Variants in FAM53B observed in about 807,000 individuals in gnomAD.
FAM53B encodes protein FAM53B.
FAM53B carries 12 observed loss-of-function variants against 32.7 expected under a neutral mutation model. The ratio of observed to expected loss-of-function variants is 0.37; its 90% CI spans 0.24 to 0.59. The LOEUF is 0.59. FAM53B is among the 20% of genes least tolerant of loss of function. The pLI is 0.72. For synonymous variants in FAM53B, 234 were observed against 228.7 expected (o/e 1.02, Z -0.21); for missense variants, 477 against 577.7 (o/e 0.83, Z 1.79).
intron 1 of FAM53B, among the ~76,000 whole-genome samples, chr10:124,709,185 AT>A (rs1430829998): frequency 2.0e-5 from 3 of 152,248 alleles, no homozygotes; most frequent in African/African-American, 4.8e-5. Context: ...AACAAGCTAA[AT>A]TCCATTAACA....
At chr10:124,640,313 G>T (rs1264606084) in intron 4 of FAM53B, among the ~76,000 whole-genome samples, 1 of 152,244 alleles carries the variant, frequency 6.6e-6, no homozygotes, top group Non-Finnish European at 1.5e-5. Context: ...GCTCTGCGCG[G>T]CAGGTTGGGG....
intron 4 of FAM53B, among the ~76,000 whole-genome samples, chr10:124,660,383 G>A (rs1313619751): frequency 6.6e-6 from 1 of 152,210 alleles, no homozygotes; most frequent in Non-Finnish European, 1.5e-5. Context: ...CCAGAGGAAT[G>A]CCCCAGAGTA....
chr10:124,659,333 A>G (rs1481960213), intron 4 of FAM53B, among the ~76,000 whole-genome samples: 2 of 152,252 alleles, frequency 1.3e-5, no homozygotes, highest in Non-Finnish European at 2.9e-5. Flanking sequence ...GAGAGATACA[A>G]CTGATCAGCA....
chr10:124,681,787 A>G lies in FAM53B; in HGVS notation c.726T>C (p.Cys242=). The G allele has an allele frequency of 6.2e-7, 1 of 1,609,128 alleles. No homozygotes were observed. The highest frequency in any genetic ancestry group is 8.5e-7 in the Non-Finnish European group (1 of 1,177,770). The change falls in exon 4 of 5, where the codon TGT becomes TGC. Residue 242 remains cysteine, a synonymous_variant. Transcript: ENST00000337318. ...CAGGTGTGCTGTTGGCTGAGGGAGG[A>G]CAGTATTCCACAAAGGAAAACTGCT... ...SHEQFSFVEY[C]PPSANSTPAS...
intron 4 of FAM53B, among the ~76,000 whole-genome samples, chr10:124,678,804 C>A (rs1949751800): frequency 6.6e-6 from 1 of 152,228 alleles, no homozygotes; most frequent in African/African-American, 2.4e-5. Context: ...CCCTTTCCTG[C>A]TGGCGGATTG....
At chr10:124,737,316 T>C (rs1950178682) in intron 1 of FAM53B, among the ~76,000 whole-genome samples, 1 of 152,108 alleles carries the variant, frequency 6.6e-6, no homozygotes, top group Non-Finnish European at 1.5e-5. Flanking sequence ...GACACACTTT[T>C]GGCAAAGAGG....
intron 3 of FAM53B, among the ~76,000 whole-genome samples, chr10:124,683,952 C>T (rs1044551768): frequency 4.6e-5 from 7 of 152,354 alleles, no homozygotes; most frequent in African/African-American, 1.4e-4. Context: ...ATGACCTGTG[C>T]AGACCAAAGG....
intron 2 of FAM53B, among the ~76,000 whole-genome samples, chr10:124,696,789 T>C (rs948112951): frequency 2.6e-5 from 4 of 152,296 alleles, no homozygotes; most frequent in African/African-American, 9.6e-5. Flanking sequence ...TTCTCTGAAC[T>C]GAAACAGAAA....
Position 124,623,279 on chromosome 10 carries a change from TCCA to T in FAM53B, c.1229_1231del (p.Leu410_Asp411delinsHis), listed in dbSNP as rs895714495. ...TATCTGCTCAATGTCCAACTCGCCGTCCAGGGAGCAGAGGCTGTTCCCAGGGGC... is the reference window on the plus strand; with the variant it reads ...TATCTGCTCAATGTCCAACTCGCCGTGGGAGCAGAGGCTGTTCCCAGGGGC... On this transcript the variant is annotated inframe_deletion, in exon 5 of 5. Coordinates refer to ENST00000337318, the MANE Select transcript of FAM53B (RefSeq NM_014661.4). 1.2e-6 allele frequency: 2 copies of T among 1,610,902 alleles called. No homozygotes were observed. Among genetic ancestry groups the T allele is most frequent in the African/African-American group, 2.7e-5 (2 of 74,860 alleles).
intron 3 of FAM53B, among the ~76,000 whole-genome samples, chr10:124,694,612 C>T (rs939418733): frequency 1.2e-4 from 19 of 152,322 alleles, no homozygotes; most frequent in Admixed American, 9.2e-4. Context: ...CTGGGCATGC[C>T]GGGGCCTCTC....
At chr10:124,712,770 G>A (rs1266847162) in intron 1 of FAM53B, among the ~76,000 whole-genome samples, 2 of 152,212 alleles carry the variant, frequency 1.3e-5, no homozygotes, top group African/African-American at 4.8e-5. Context: ...TGGAGACACA[G>A]TGCTCTCTGA....
chr10:124,701,010 A>G (rs1025326380), intron 2 of FAM53B, among the ~76,000 whole-genome samples: 4 of 152,262 alleles, frequency 2.6e-5, no homozygotes, highest in Non-Finnish European at 5.9e-5. Context: ...ACTCTCAAAG[A>G]TGCGGATAGA....
At chr10:124,725,342 G>A (rs1950094945) in intron 1 of FAM53B, among the ~76,000 whole-genome samples, 1 of 152,216 alleles carries the variant, frequency 6.6e-6, no homozygotes, top group Non-Finnish European at 1.5e-5. Context: ...AGCCCCGGCT[G>A]GGCTCAGGTG....
At chr10:124,648,102 GCAGGGCAC>G in intron 4 of FAM53B, among the ~76,000 whole-genome samples, 1 of 152,304 alleles carries the variant, frequency 6.6e-6, no homozygotes, top group South Asian at 2.1e-4. Context: ...GCTTGGCCCT[GCAGGGCAC>G]AATGGCACAC....
chr10:124,634,248 G>A (rs950775613), intron 4 of FAM53B, among the ~76,000 whole-genome samples: 1 of 152,352 alleles, frequency 6.6e-6, no homozygotes, highest in African/African-American at 2.4e-5. Context: ...ACTGATACAT[G>A]CTACGGTGTG....
intron 2 of FAM53B, among the ~76,000 whole-genome samples, chr10:124,702,186 C>T (rs1261707234): frequency 6.6e-6 from 1 of 152,220 alleles, no homozygotes. Flanking sequence ...TGATACCAGT[C>T]CCGGCCTCCC....
Position 124,690,638 on chromosome 10 carries a change from T to G in FAM53B, c.133+5520A>C, listed in dbSNP as rs79156377. ...AACCACATTTTACATCTACTTCCAT[T>G]CTGTGCTTTATTATTCCTGAAAAAC... is the stretch of plus-strand genomic sequence containing the variant. On this transcript the variant is annotated intron_variant, in intron 3 of 4. Transcript: ENST00000337318. 2.7e-3 allele frequency among the ~76,000 whole-genome samples: 410 copies of G among 152,328 alleles called. 11 individuals are homozygous for G. The East Asian group carries it at 0.054, about 20-fold the overall frequency.
intron 3 of FAM53B, among the ~76,000 whole-genome samples, chr10:124,687,933 C>T (rs1408525684): frequency 6.6e-6 from 1 of 152,138 alleles, no homozygotes; most frequent in African/African-American, 2.4e-5. Flanking sequence ...CAATTCTGGT[C>T]TCTACAAATT....
intron 1 of FAM53B, among the ~76,000 whole-genome samples, chr10:124,725,269 C>A (rs527731644): frequency 2.0e-5 from 3 of 152,340 alleles, no homozygotes; most frequent in Admixed American, 1.3e-4. Context: ...TGGACTTCAA[C>A]GCACCATTTC....
Sources: allele counts gnomAD v4.1 joint callset (sites outside exome capture counted in the v4.1 genomes callset), GRCh38; gene constraint gnomAD v4.1.1; transcripts MANE v1.5; gene names NCBI Gene and HGNC (gene_info 2026-07-23, HGNC 2026-07-21).